Variants in WWOX observed in about 807,000 individuals in gnomAD.
WWOX encodes WW domain containing oxidoreductase, also known as WW domain-containing oxidoreductase.
In WWOX, 69 loss-of-function variants were observed where a neutral mutation model predicts 46.2. That is an observed-to-expected ratio of 1.49 (90% CI 1.23 to 1.82). The LOEUF is 1.82. WWOX is among the 40% of genes most tolerant of loss of function. WWOX has a pLI of 0.00. For missense variants in WWOX, 919 were observed against 542.6 expected (o/e 1.69, Z -6.89); for synonymous variants, 359 against 202.6 (o/e 1.77, Z -6.56).
intron 5 of WWOX, among the ~76,000 whole-genome samples, chr16:78,308,769 T>G (rs4887951): frequency 0.1 from 15,152 of 152,202 alleles, 1,028 homozygotes; most frequent in East Asian, 0.26. Context: ...CATAAGAACC[T>G]TGGTCTTTTT....
chr16:78,900,057 CTTTTTTTT>C (rs754732541), intron 8 of WWOX, among the ~76,000 whole-genome samples: 1 of 102,162 alleles, frequency 9.8e-6, no homozygotes, highest in African/African-American at 4.1e-5. Context: ...GCCCTCCTGA[CTTTTTTTT>C]TTTTTTTTTT....
chr16:78,367,004 T>G (rs1383047862), intron 5 of WWOX, among the ~76,000 whole-genome samples: 1 of 139,394 alleles, frequency 7.2e-6, no homozygotes, highest in African/African-American at 2.8e-5. Flanking sequence ...TTTTAAGACG[T>G]AGTCTTGCTC....
chr16:78,974,140 A>G (rs544054251), intron 8 of WWOX, among the ~76,000 whole-genome samples: 102 of 152,342 alleles, frequency 6.7e-4, no homozygotes, highest in African/African-American at 2.3e-3. Flanking sequence ...GTGTGATTTC[A>G]CAAATCAAAC....
chr16:78,652,878 C>G (rs1485329266), intron 8 of WWOX, among the ~76,000 whole-genome samples: 1 of 152,084 alleles, frequency 6.6e-6, no homozygotes, highest in Non-Finnish European at 1.5e-5. Context: ...TTTGACTCCC[C>G]CTTGCCCATC....
chr16:78,593,147 C>T lies in WWOX; in HGVS notation c.1056+160395C>T, dbSNP rs947112370. Among the ~76,000 whole-genome samples the T allele has an allele frequency of 3.3e-5, 5 of 152,276 alleles. No homozygotes were observed. The South Asian group carries it at 1.0e-3, about 32-fold the overall frequency. ...TGCCAAACCAGGTGTCATTGCCCTC[C>T]CCACCCTACCTTGCTCCCCTGGAGT... On this transcript the variant is annotated intron_variant, in intron 8 of 8. Transcript: ENST00000566780.
At chr16:78,468,634 C>T (rs545037134) in intron 8 of WWOX, among the ~76,000 whole-genome samples, 69 of 152,250 alleles carry the variant, frequency 4.5e-4, no homozygotes, top group Non-Finnish European at 9.1e-4. Context: ...TAGTACACAT[C>T]CCATGTCTGA....
At chr16:78,544,386 C>G (rs1361039231) in intron 8 of WWOX, among the ~76,000 whole-genome samples, 1 of 148,496 alleles carries the variant, frequency 6.7e-6, no homozygotes, top group Non-Finnish European at 1.5e-5. Flanking sequence ...ATCTTCCCTA[C>G]AACCTTATTA....
chr16:78,257,838 A>C (rs1401733865), intron 5 of WWOX, among the ~76,000 whole-genome samples: 1 of 152,184 alleles, frequency 6.6e-6, no homozygotes, highest in African/African-American at 2.4e-5. Flanking sequence ...TATCTCATTT[A>C]TGTGACGTGG....
intron 8 of WWOX, among the ~76,000 whole-genome samples, chr16:78,866,761 T>C (rs2044013113): frequency 1.3e-5 from 2 of 152,192 alleles, no homozygotes; most frequent in Non-Finnish European, 2.9e-5. Context: ...CCACGGGCTA[T>C]CCAGGGAATT....
chr16:78,535,402 G>A (rs1314727903), intron 8 of WWOX: 2 of 152,174 alleles, frequency 1.3e-5, no homozygotes, highest in African/African-American at 2.4e-5. Flanking sequence ...GACTTTTATT[G>A]TGTGGCAGCT....
chr16:78,119,751 C>T (rs936153521), intron 4 of WWOX, among the ~76,000 whole-genome samples: 1 of 151,942 alleles, frequency 6.6e-6, no homozygotes, highest in African/African-American at 2.4e-5. Context: ...CTGGTGTGAG[C>T]CACTGTGCCC....
intron 8 of WWOX, among the ~76,000 whole-genome samples, chr16:78,536,579 A>C (rs1378905180): frequency 6.6e-6 from 1 of 152,104 alleles, no homozygotes; most frequent in African/African-American, 2.4e-5. Context: ...ATGGTAGCCA[A>C]GGACAGTACT....
chr16:78,162,390 A>G (rs1378887593), intron 4 of WWOX, among the ~76,000 whole-genome samples: 1 of 151,916 alleles, frequency 6.6e-6, no homozygotes, highest in African/African-American at 2.4e-5. Flanking sequence ...ATGTATGTGT[A>G]TATATGTGTA....
At chr16:78,941,668 AT>A (rs1379773284) in intron 8 of WWOX, among the ~76,000 whole-genome samples, 3 of 152,058 alleles carry the variant, frequency 2.0e-5, no homozygotes, top group African/African-American at 7.2e-5. Flanking sequence ...AGTACATTGT[AT>A]TTGCATCCCC....
chr16:78,557,955 C>G (rs758683721), intron 8 of WWOX, among the ~76,000 whole-genome samples: 13 of 152,092 alleles, frequency 8.5e-5, no homozygotes, highest in Admixed American at 3.3e-4. Context: ...CCTTGGCCTC[C>G]CAAAGTGCAG....
rs151290027 is a variant in WWOX at position 78,397,023 on chromosome 16, C to G, written c.605+10075C>G. Among the ~76,000 whole-genome samples, 6 of 152,182 alleles carry G rather than the reference C, an allele frequency of 3.9e-5. No individual in the cohort carries two copies. The South Asian group carries it at 8.3e-4, about 21-fold the overall frequency. On this transcript the variant is annotated intron_variant, in intron 6 of 8. Transcript: ENST00000566780. ...ATCATGAGAAATATATTCTGTTTTTCTTAGAAAATGGGTTATGTTAGGTCT... is the reference window on the plus strand; with the variant it reads ...ATCATGAGAAATATATTCTGTTTTTGTTAGAAAATGGGTTATGTTAGGTCT...
chr16:78,965,915 A>C (rs1338496505), intron 8 of WWOX, among the ~76,000 whole-genome samples: 3 of 152,188 alleles, frequency 2.0e-5, no homozygotes, highest in African/African-American at 7.2e-5. Flanking sequence ...AATTGGACGA[A>C]ATGGGTGATC....
intron 8 of WWOX, among the ~76,000 whole-genome samples, chr16:78,854,787 G>A (rs1310245903): frequency 6.6e-6 from 1 of 152,100 alleles, no homozygotes; most frequent in Non-Finnish European, 1.5e-5. Context: ...CACCACTTTT[G>A]GCCAGGCTGG....
intron 1 of WWOX, among the ~76,000 whole-genome samples, chr16:78,103,120 C>G (rs2031906351): frequency 6.6e-6 from 1 of 152,186 alleles, no homozygotes; most frequent in Admixed American, 6.5e-5. Flanking sequence ...TTTCTCCCAT[C>G]TGCTTTCTTC....
Sources: gnomAD v4.1 joint callset for allele counts (sites outside exome capture counted in the v4.1 genomes callset) on GRCh38, gnomAD v4.1.1 for gene constraint, MANE v1.5 for transcripts, NCBI Gene and HGNC (gene_info 2026-07-23, HGNC 2026-07-21) for gene names.